ACKR3: variants seen among roughly 807,000 people sequenced by gnomAD.
The protein encoded by ACKR3 is atypical chemokine receptor 3, also known as C-X-C chemokine receptor type 7.
A neutral mutation model predicts 22.4 loss-of-function variants in ACKR3; 6 were observed. That is an observed-to-expected ratio of 0.27 (90% CI 0.15 to 0.53). The LOEUF (loss-of-function observed/expected upper bound fraction) is 0.53, where lower values mean the gene tolerates loss of function less well. Among genes scored for constraint, ACKR3 ranks in the 20% least tolerant of loss-of-function variants. The pLI, the probability that ACKR3 is intolerant of heterozygous loss-of-function variation, is 0.96. For missense variants in ACKR3, 396 were observed against 475.2 expected (o/e 0.83, Z 1.55); for synonymous variants, 209 against 205.2 (o/e 1.02, Z -0.16).
At chr2:236,550,052 C>G in the ACKR3 span, among the ~76,000 whole-genome samples, 4 of 152,174 alleles carry the variant, frequency 2.6e-5, no homozygotes, top group Non-Finnish European at 5.9e-5. This position sits in a 1 kb window ranked among gnomAD's most constrained non-coding sequence, Gnocchi z 4.6. Context: ...TTGACAAGGG[C>G]TCTTTAAATG....
chr2:236,541,775 T>C, the ACKR3 span, among the ~76,000 whole-genome samples: 1 of 152,206 alleles, frequency 6.6e-6, no homozygotes, highest in Non-Finnish European at 1.5e-5. Context: ...GTTTACTCCA[T>C]ACTGTTCTCC....
chr2:236,570,788 TC>T (rs1370584367), intron 1 of ACKR3, among the ~76,000 whole-genome samples: 2 of 152,216 alleles, frequency 1.3e-5, no homozygotes, highest in Non-Finnish European at 2.9e-5. Flanking sequence ...ACTTGTAACT[TC>T]CAGGGAGAAT....
At chr2:236,550,162 G>A in the ACKR3 span, among the ~76,000 whole-genome samples, 1 of 152,234 alleles carries the variant, frequency 6.6e-6, no homozygotes, top group Non-Finnish European at 1.5e-5. The surrounding 1 kb of genome is among the most constrained non-coding windows in gnomAD (Gnocchi z 4.6). Flanking sequence ...GGCCATGCGA[G>A]GGGCTGGCTC....
chr2:236,561,916 T>C, the ACKR3 span, among the ~76,000 whole-genome samples: 1 of 152,274 alleles, frequency 6.6e-6, no homozygotes, highest in Non-Finnish European at 1.5e-5. Context: ...CAACTGATAA[T>C]AAAAGTTGTT....
chr2:236,558,082 G>A, the ACKR3 span, among the ~76,000 whole-genome samples: 2 of 152,158 alleles, frequency 1.3e-5, no homozygotes, highest in Non-Finnish European at 2.9e-5. Flanking sequence ...GACACGCTCG[G>A]GATAGTTGTG....
the ACKR3 span, among the ~76,000 whole-genome samples, chr2:236,537,211 T>G: frequency 6.6e-6 from 1 of 152,192 alleles, no homozygotes. Flanking sequence ...GATTGGATTC[T>G]AGGAATACCA....
chr2:236,556,784 G>A, the ACKR3 span, among the ~76,000 whole-genome samples: 2 of 152,202 alleles, frequency 1.3e-5, no homozygotes, highest in Non-Finnish European at 2.9e-5. Context: ...CACCTCCCAG[G>A]TTCAAGTGAT....
At chr2:236,557,671 A>C in the ACKR3 span, among the ~76,000 whole-genome samples, 1 of 152,216 alleles carries the variant, frequency 6.6e-6, no homozygotes, top group Non-Finnish European at 1.5e-5. Flanking sequence ...AAGTTTGAGA[A>C]TGAGATATTT....
upstream of ACKR3, among the ~76,000 whole-genome samples, chr2:236,568,570 G>A (rs1691238528): frequency 6.6e-6 from 1 of 152,242 alleles, no homozygotes; most frequent in Non-Finnish European, 1.5e-5. Flanking sequence ...GCCGGCCCCA[G>A]GGCGACCCCT....
chr2:236,582,067 TATATATAAATATATATAA>T lies in ACKR3; in HGVS notation c.*528_*545del, dbSNP rs1302467648. On this transcript the variant is annotated 3_prime_UTR_variant, in exon 2 of 2. Transcript: ENST00000272928. Reference sequence around the variant, plus strand: ...AATTGTTAGCTGTTTTGAAATTATATATATATAAATATATATAAATATATAAATATATGCCAGTCTTGG... The same window carrying T: ...AATTGTTAGCTGTTTTGAAATTATATATATATAAATATATGCCAGTCTTGG... The T allele has an allele frequency of 1.9e-5, 3 of 159,538 alleles. No homozygotes were observed. Among genetic ancestry groups the T allele is most frequent in the East Asian group, 3.9e-4 (2 of 5,152 alleles). The allele number at this position is 159,538 out of a possible 1,614,324, so 9.9% of individuals were successfully genotyped here.
the ACKR3 span, among the ~76,000 whole-genome samples, chr2:236,559,059 A>G: frequency 1.3e-5 from 2 of 152,234 alleles, no homozygotes; most frequent in Admixed American, 1.3e-4. Context: ...TTTCATAAAA[A>G]TGTGACCTGG....
Position 236,580,845 on chromosome 2 carries a change from A to G in ACKR3, c.380A>G (p.Asn127Ser), listed in dbSNP as rs1400717083. Residue 127 changes from asparagine to serine, a missense_variant, in exon 2 of 2, where the codon AAC becomes AGC. Coordinates refer to ENST00000272928, the MANE Select transcript of ACKR3 (RefSeq NM_020311.3). The part of the protein sequence containing the change: ...CKVTHLIFSI[N>S]LFGSIFFLTC... ...GTCACACACCTCATCTTCTCCATCA[A>G]CCTCTTCGGCAGCATTTTCTTCCTC... 2.5e-6 allele frequency: 4 copies of G among 1,613,400 alleles called. No homozygotes were observed. Among genetic ancestry groups the G allele is most frequent in the African/African-American group, 2.7e-5 (2 of 74,760 alleles).
chr2:236,563,587 G>T (rs573316545), upstream of ACKR3, among the ~76,000 whole-genome samples: 40 of 152,312 alleles, frequency 2.6e-4, no homozygotes, highest in South Asian at 6.8e-3. Flanking sequence ...AGAATTCCAG[G>T]AAATGAGAGG....
chr2:236,581,641 C>A lies in ACKR3; in HGVS notation c.*87C>A. ...GGTTTTCTAGAGCAAAGCAAAGTAG[C>A]TTCGGGTCTTGATGCTTGAGTAGAG... is the stretch of plus-strand genomic sequence containing the variant. On this transcript the variant is annotated 3_prime_UTR_variant, in exon 2 of 2. Coordinates refer to ENST00000272928, the MANE Select transcript of ACKR3 (RefSeq NM_020311.3). This position sits in a 1 kb window ranked among gnomAD's most constrained non-coding sequence, Gnocchi z 4.4. 1 of 1,499,684 alleles carries A rather than the reference C, an allele frequency of 6.7e-7. No individual in the cohort carries two copies. Among genetic ancestry groups the A allele is most frequent in the Non-Finnish European group, 8.9e-7 (1 of 1,117,562 alleles). The allele number at this position is 1,499,684 out of a possible 1,614,324, so 92.9% of individuals were successfully genotyped here.
At chr2:236,546,204 T>A in the ACKR3 span, among the ~76,000 whole-genome samples, 1 of 152,204 alleles carries the variant, frequency 6.6e-6, no homozygotes, top group African/African-American at 2.4e-5. This position sits in a 1 kb window ranked among gnomAD's most constrained non-coding sequence, Gnocchi z 4.9. Flanking sequence ...GGAAGATGAT[T>A]TTTTACATCG....
intron 1 of ACKR3, among the ~76,000 whole-genome samples, chr2:236,573,232 A>C (rs1691344728): frequency 6.6e-6 from 1 of 152,158 alleles, no homozygotes; most frequent in African/African-American, 2.4e-5. Context: ...CAGTTGCCTA[A>C]TGGTTCTTCA....
the ACKR3 span, among the ~76,000 whole-genome samples, chr2:236,552,861 C>A: frequency 6.6e-6 from 1 of 152,156 alleles, no homozygotes; most frequent in African/African-American, 2.4e-5. Flanking sequence ...CGGGCCTCTT[C>A]CCAGGCCCTA....
At chr2:236,578,192 C>T (rs1396965285) in intron 1 of ACKR3, among the ~76,000 whole-genome samples, 1 of 152,166 alleles carries the variant, frequency 6.6e-6, no homozygotes, top group African/African-American at 2.4e-5. Context: ...CAAGGCACGG[C>T]CTGGGGTTGC....
At chr2:236,556,322 C>G in the ACKR3 span, among the ~76,000 whole-genome samples, 4 of 152,094 alleles carry the variant, frequency 2.6e-5, no homozygotes, top group Admixed American at 6.5e-5. Flanking sequence ...TGAATAAGAG[C>G]CCCCAGAGAG....
Sources: gnomAD v4.1 joint callset for allele counts (sites outside exome capture counted in the v4.1 genomes callset) on GRCh38, gnomAD v4.1.1 for gene constraint, Gnocchi (gnomAD v3.1) non-coding constraint, MANE v1.5 for transcripts, NCBI Gene and HGNC (gene_info 2026-07-23, HGNC 2026-07-21) for gene names.